Variants in CDH22 observed in about 807,000 individuals in gnomAD.
CDH22 encodes cadherin-22.
Under a neutral mutation model 58.4 loss-of-function variants are expected in CDH22, and 30 were observed. The ratio of observed to expected loss-of-function variants is 0.51; its 90% CI spans 0.38 to 0.70. CDH22 has a LOEUF of 0.70. CDH22 is among the 30% of genes least tolerant of loss of function. CDH22 has a pLI of 0.00. For missense variants in CDH22, 1,014 were observed against 1,233.9 expected, an observed-to-expected ratio of 0.82 and a Z score of 2.67; for synonymous variants, 513 against 558.2, an observed-to-expected ratio of 0.92 and a Z score of 1.14.
intron 3 of CDH22, among the ~76,000 whole-genome samples, chr20:46,229,297 C>T (rs555023036): frequency 3.4e-5 from 5 of 148,452 alleles, no homozygotes; most frequent in African/African-American, 1.2e-4. Flanking sequence ...TGGCCCCCCC[C>T]CCCAATTTTA....
intron 4 of CDH22, among the ~76,000 whole-genome samples, chr20:46,225,267 G>A (rs951689891): frequency 6.6e-6 from 1 of 152,208 alleles, no homozygotes; most frequent in Non-Finnish European, 1.5e-5. Flanking sequence ...TATGTGTGAG[G>A]TTATTCACTG....
intron 5 of CDH22, among the ~76,000 whole-genome samples, chr20:46,215,704 G>A (rs2086079551): frequency 1.3e-5 from 2 of 152,252 alleles, no homozygotes; most frequent in Admixed American, 6.5e-5. Context: ...GGAATGACGA[G>A]CAGGAAAGCA....
chr20:46,199,070 C>A (rs147545478), intron 8 of CDH22, among the ~76,000 whole-genome samples: 1 of 152,154 alleles, frequency 6.6e-6, no homozygotes, highest in African/African-American at 2.4e-5. Flanking sequence ...AAGGCTGGAT[C>A]CCCAACCCCT....
intron 4 of CDH22, among the ~76,000 whole-genome samples, chr20:46,221,949 G>T (rs927092163): frequency 2.6e-5 from 4 of 152,200 alleles, no homozygotes; most frequent in African/African-American, 7.2e-5. Context: ...AGGTGCTGGG[G>T]CTGCACAGAC....
At chr20:46,287,349 G>C (rs1241001028) in intron 1 of CDH22, among the ~76,000 whole-genome samples, 1 of 152,140 alleles carries the variant, frequency 6.6e-6, no homozygotes, top group Non-Finnish European at 1.5e-5. Flanking sequence ...ATTAACTCAC[G>C]ACTTCATTAA....
intron 2 of CDH22, 130 bp downstream of exon 2, chr20:46,250,910 C>G (rs1600716648): frequency 1.6e-6 from 1 of 610,848 alleles, no homozygotes; most frequent in East Asian, 3.3e-5. Flanking sequence ...CTTATCAGTC[C>G]TTGGCTAGGG....
Position 46,300,353 on chromosome 20 carries a change from C to T in CDH22, c.-400+7902G>A, listed in dbSNP as rs1393081136. Among the ~76,000 whole-genome samples the T allele has an allele frequency of 6.6e-6, 1 of 152,160 alleles. No individual in the cohort carries two copies. Among genetic ancestry groups the T allele is most frequent in the Non-Finnish European group, 1.5e-5 (1 of 68,026 alleles). ...TACCTGAGTCTGTCTGGCTTGTCACCTACCCATCATCTTGTCTACCCACTG... is the reference window on the plus strand; with the variant it reads ...TACCTGAGTCTGTCTGGCTTGTCACTTACCCATCATCTTGTCTACCCACTG... On this transcript the variant is annotated intron_variant, in intron 1 of 11. Coordinates refer to ENST00000537909, the MANE Select transcript of CDH22 (RefSeq NM_021248.3). This position sits in a 1 kb window ranked among gnomAD's most constrained non-coding sequence, Gnocchi z 4.4.
At chr20:46,205,909 G>A (rs1230499548) in intron 7 of CDH22, among the ~76,000 whole-genome samples, 1 of 151,966 alleles carries the variant, frequency 6.6e-6, no homozygotes, top group Non-Finnish European at 1.5e-5. Context: ...CTCCAACCTG[G>A]GGCACACTCT....
chr20:46,297,373 AG>A lies in CDH22; in HGVS notation c.-400+10881del, dbSNP rs1481836702. Among the ~76,000 whole-genome samples the A allele has an allele frequency of 2.0e-5, 3 of 151,462 alleles. No individual in the cohort carries two copies. The East Asian group carries it at 5.9e-4, about 30-fold the overall frequency. Reference sequence around the variant, plus strand: ...AGAAGGTGACCAGGAGCTAAGTAACAGGAGGTGCTCAGGGATGGAACGGGGG... The same window carrying A: ...AGAAGGTGACCAGGAGCTAAGTAACAGAGGTGCTCAGGGATGGAACGGGGG... On this transcript the variant is annotated intron_variant, in intron 1 of 11. Coordinates refer to ENST00000537909, the MANE Select transcript of CDH22 (RefSeq NM_021248.3).
In CDH22 at chr20:46,247,625, G is replaced by C. The variant is rs567693109; in HGVS notation, c.255+3415C>G. On this transcript the variant is annotated intron_variant, in intron 2 of 11. Transcript: ENST00000537909. ...TTTATATTGGGTTTTGGTATCCATG[G>C]GAGGTCCTGGAACCAATCCCCCATC... is the stretch of plus-strand genomic sequence containing the variant. Among the ~76,000 whole-genome samples, 29 of 152,260 alleles carry C rather than the reference G, an allele frequency of 1.9e-4. No homozygotes were observed. The South Asian group carries it at 6.0e-3, about 32-fold the overall frequency.
intron 7 of CDH22, among the ~76,000 whole-genome samples, chr20:46,208,956 G>A (rs1224747140): frequency 2.0e-5 from 3 of 152,214 alleles, no homozygotes; most frequent in Admixed American, 2.0e-4. Flanking sequence ...GCTGAGGCCT[G>A]GGCTAGGCCC....
At chr20:46,302,202 A>T (rs148110371) in intron 1 of CDH22, among the ~76,000 whole-genome samples, 1 of 152,330 alleles carries the variant, frequency 6.6e-6, no homozygotes, top group East Asian at 1.9e-4. Context: ...GCCTGCCTTC[A>T]AGATCTTCTC....
chr20:46,212,880 A>C, intron 6 of CDH22, 115 bp downstream of exon 6: 5 of 840,080 alleles, frequency 6.0e-6, no homozygotes, highest in Non-Finnish European at 9.6e-6. Context: ...CTGGACCTCT[A>C]GAGAGAACTA....
chr20:46,222,756 G>T (rs2086136030), intron 4 of CDH22, among the ~76,000 whole-genome samples: 2 of 152,342 alleles, frequency 1.3e-5, no homozygotes, highest in East Asian at 3.9e-4. Context: ...TCGCCCCTGT[G>T]GGGGGCCTGC....
At chr20:46,219,358 T>C (rs1353083232) in intron 4 of CDH22, among the ~76,000 whole-genome samples, 1 of 152,152 alleles carries the variant, frequency 6.6e-6, no homozygotes, top group African/African-American at 2.4e-5. Context: ...GATTTTGAGC[T>C]AATCCCTTCA....
chr20:46,289,261 C>A (rs972083726), intron 1 of CDH22, among the ~76,000 whole-genome samples: 4 of 152,176 alleles, frequency 2.6e-5, no homozygotes, highest in Admixed American at 6.6e-5. Context: ...TCCCTTACAA[C>A]CTGTGATAAA....
chr20:46,211,645 T>C (rs2086044253), intron 6 of CDH22, among the ~76,000 whole-genome samples: 1 of 152,112 alleles, frequency 6.6e-6, no homozygotes, highest in Non-Finnish European at 1.5e-5. Flanking sequence ...TGAGAGCAAA[T>C]GCTGTGCTGG....
intron 1 of CDH22, among the ~76,000 whole-genome samples, chr20:46,297,320 C>G (rs2145782294): frequency 6.6e-6 from 1 of 151,946 alleles, no homozygotes; most frequent in East Asian, 1.9e-4. Context: ...TGTGGGAGAA[C>G]AGGGGCTCTG....
At chr20:46,243,383 A>G (rs1405423907) in intron 2 of CDH22, among the ~76,000 whole-genome samples, 1 of 152,228 alleles carries the variant, frequency 6.6e-6, no homozygotes, top group Non-Finnish European at 1.5e-5. Flanking sequence ...CTCAGCAGAA[A>G]TTGCGGGGAC....
Sources: allele counts gnomAD v4.1 joint callset (sites outside exome capture counted in the v4.1 genomes callset), GRCh38; gene constraint gnomAD v4.1.1; non-coding constraint Gnocchi (gnomAD v3.1); transcripts MANE v1.5; gene names NCBI Gene and HGNC (gene_info 2026-07-23, HGNC 2026-07-21).